Variants in MECOM observed in about 807,000 individuals in gnomAD.
MECOM encodes the protein histone-lysine N-methyltransferase MECOM.
Under a neutral mutation model 116.3 loss-of-function variants are expected in MECOM, and 13 were observed. The ratio of observed to expected loss-of-function variants is 0.11; its 90% CI spans 0.07 to 0.18. MECOM has a LOEUF of 0.18. MECOM is among the 10% of genes least tolerant of loss of function. The pLI is 1.00. For missense variants in MECOM, 1,299 were observed against 1,509.0 expected (o/e 0.86, Z 2.31); for synonymous variants, 528 against 535.2 (o/e 0.99, Z 0.19).
intron 2 of MECOM, among the ~76,000 whole-genome samples, chr3:169,207,754 A>C (rs1750137954): frequency 6.6e-6 from 1 of 152,088 alleles, no homozygotes; most frequent in Non-Finnish European, 1.5e-5. Context: ...ATTTTAGGTA[A>C]TGTCTCATGT....
At chr3:169,365,726 G>T (rs1729050650) in intron 2 of MECOM, among the ~76,000 whole-genome samples, 2 of 151,936 alleles carry the variant, frequency 1.3e-5, no homozygotes, top group South Asian at 4.1e-4. Context: ...AGAGGTGTGG[G>T]AGTCCAGAGG....
chr3:169,307,235 T>G (rs1384385207), intron 2 of MECOM, among the ~76,000 whole-genome samples: 1 of 152,168 alleles, frequency 6.6e-6, no homozygotes, highest in Non-Finnish European at 1.5e-5. Context: ...TCTATTACCA[T>G]CACTCTAGTT....
chr3:169,379,852 G>A (rs981634782), intron 2 of MECOM, among the ~76,000 whole-genome samples: 1 of 152,094 alleles, frequency 6.6e-6, no homozygotes. Context: ...GGTTTAAAAC[G>A]TATTCAACTC....
At chr3:169,359,166 T>G (rs1727787025) in intron 2 of MECOM, among the ~76,000 whole-genome samples, 1 of 151,784 alleles carries the variant, frequency 6.6e-6, no homozygotes. Context: ...TTCATCCTAT[T>G]TCATGGAAAC....
intron 1 of MECOM, among the ~76,000 whole-genome samples, chr3:169,474,089 G>A (rs185069059): frequency 7.2e-5 from 11 of 152,232 alleles, no homozygotes; most frequent in African/African-American, 2.2e-4. Context: ...CAGTCACCAC[G>A]TGCCACCTCT....
intron 1 of MECOM, among the ~76,000 whole-genome samples, chr3:169,581,705 G>C (rs1476860301): frequency 1.7e-4 from 26 of 152,104 alleles, no homozygotes; most frequent in Admixed American, 1.7e-3. Context: ...TTCAGGACTG[G>C]GGGTGGGAGT....
intron 9 of MECOM, among the ~76,000 whole-genome samples, chr3:169,111,193 A>G (rs1369831892): frequency 3.9e-5 from 6 of 152,106 alleles, no homozygotes; most frequent in Non-Finnish European, 5.9e-5. Context: ...AGGTAGACTA[A>G]GATGTTCAAA....
chr3:169,261,977 A>G (rs1757621639), intron 2 of MECOM, among the ~76,000 whole-genome samples: 1 of 152,198 alleles, frequency 6.6e-6, no homozygotes. Flanking sequence ...CTTTGCAGGA[A>G]AAAGAAAGTG....
chr3:169,325,716 C>T (rs1220631022), intron 2 of MECOM, among the ~76,000 whole-genome samples: 1 of 152,182 alleles, frequency 6.6e-6, no homozygotes, highest in East Asian at 1.9e-4. Flanking sequence ...GTCTGCTGCT[C>T]CTTTCAGCTC....
At chr3:169,518,382 A>C (rs1187320685) in intron 1 of MECOM, among the ~76,000 whole-genome samples, 1 of 152,292 alleles carries the variant, frequency 6.6e-6, no homozygotes, top group South Asian at 2.1e-4. Context: ...AGCCAAAAGC[A>C]TTCTCCTAAA....
chr3:169,208,299 A>G (rs1361795033), intron 2 of MECOM, among the ~76,000 whole-genome samples: 3 of 148,342 alleles, frequency 2.0e-5, no homozygotes, highest in African/African-American at 7.4e-5. Flanking sequence ...CATTATATAT[A>G]CATTATATAA....
intron 2 of MECOM, among the ~76,000 whole-genome samples, chr3:169,367,079 G>T (rs1254310420): frequency 3.9e-5 from 6 of 152,124 alleles, no homozygotes; most frequent in South Asian, 2.1e-4. Context: ...AAATCCAGTC[G>T]CTGGGTAACC....
chr3:169,341,508 G>A (rs1197682290), intron 2 of MECOM, among the ~76,000 whole-genome samples: 1 of 150,938 alleles, frequency 6.6e-6, no homozygotes, highest in Non-Finnish European at 1.5e-5. Context: ...TTGGGAGGCC[G>A]AGGTGGGAGG....
At chr3:169,085,618 TG>T (rs1717440585) in intron 16 of MECOM, among the ~76,000 whole-genome samples, 1 of 152,166 alleles carries the variant, frequency 6.6e-6, no homozygotes, top group Non-Finnish European at 1.5e-5. Context: ...TTTCCCTCCA[TG>T]CTTGACATAC....
chr3:169,343,231 T>C (rs1268985939), intron 2 of MECOM, among the ~76,000 whole-genome samples: 1 of 152,182 alleles, frequency 6.6e-6, no homozygotes, highest in African/African-American at 2.4e-5. Flanking sequence ...TGAGTCCTTT[T>C]TCTCATCTCT....
At chr3:169,604,159 A>T (rs891650087) in intron 1 of MECOM, among the ~76,000 whole-genome samples, 1 of 152,176 alleles carries the variant, frequency 6.6e-6, no homozygotes, top group Admixed American at 6.5e-5. Context: ...CATGAGAAAG[A>T]TTTACCTGCA....
At chr3:169,497,181 A>G (rs1327935062) in intron 1 of MECOM, among the ~76,000 whole-genome samples, 1 of 151,960 alleles carries the variant, frequency 6.6e-6, no homozygotes, top group African/African-American at 2.4e-5. Flanking sequence ...CTTGCTTCCC[A>G]CTTACTATCA....
intron 2 of MECOM, among the ~76,000 whole-genome samples, chr3:169,327,388 C>A (rs2149765311): frequency 6.6e-6 from 1 of 151,856 alleles, no homozygotes; most frequent in Non-Finnish European, 1.5e-5. Flanking sequence ...GCCTGTAATC[C>A]CAACACTTTG....
chr3:169,350,097 C>T (rs891736473), intron 2 of MECOM, among the ~76,000 whole-genome samples: 1 of 151,948 alleles, frequency 6.6e-6, no homozygotes, highest in Non-Finnish European at 1.5e-5. Context: ...CTTCAACATT[C>T]AAAGTTTCAA....
Sources: allele counts gnomAD v4.1 joint callset (sites outside exome capture counted in the v4.1 genomes callset), GRCh38; gene constraint gnomAD v4.1.1; transcripts MANE v1.5; gene names NCBI Gene and HGNC (gene_info 2026-07-23, HGNC 2026-07-21).